Variants in MFSD8 observed in about 807,000 individuals in gnomAD.
MFSD8 encodes major facilitator superfamily domain-containing protein 8.
Under a neutral mutation model 66.4 loss-of-function variants are expected in MFSD8, and 55 were observed. That is an observed-to-expected ratio of 0.83 (90% CI 0.67 to 1.04). The LOEUF (loss-of-function observed/expected upper bound fraction) is 1.04, where lower values mean the gene tolerates loss of function less well. Ranked by LOEUF, MFSD8 falls within the 50% of genes least tolerant of loss-of-function variation. The pLI, the probability that MFSD8 is intolerant of heterozygous loss-of-function variation, is 0.00. For synonymous variants in MFSD8, 202 were observed against 212.8 expected (o/e 0.95, Z 0.44); for missense variants, 550 against 627.6 (o/e 0.88, Z 1.32).
At chr4:127,933,246 G>C in intron 7 of MFSD8, 153 bp from the exon 8 acceptor site, 1 of 618,032 alleles carries the variant, frequency 1.6e-6, no homozygotes, top group Non-Finnish European at 2.8e-6. Flanking sequence ...AAGAGAATTT[G>C]TTTATTTTTA....
At chr4:127,942,292 A>C in intron 4 of MFSD8, 134 bp from the exon 5 acceptor site, 1 of 701,320 alleles carries the variant, frequency 1.4e-6, no homozygotes, top group South Asian at 1.5e-5. Flanking sequence ...TTATGATCAC[A>C]CAAAGCATGT....
chr4:127,922,291 CAGAATA>C (rs1736452722), intron 9 of MFSD8, among the ~76,000 whole-genome samples: 1 of 152,060 alleles, frequency 6.6e-6, no homozygotes, highest in Non-Finnish European at 1.5e-5. Flanking sequence ...AGTACCAAAA[CAGAATA>C]ATAATGGCAA....
At chr4:127,957,714 A>G in intron 1 of MFSD8, 122 bp from the exon 2 acceptor site, 1 of 683,194 alleles carries the variant, frequency 1.5e-6, no homozygotes. Flanking sequence ...ACCAATATTG[A>G]TTCTGCTACA....
chr4:127,927,778 C>G (rs1339704376), intron 9 of MFSD8, among the ~76,000 whole-genome samples: 1 of 152,136 alleles, frequency 6.6e-6, no homozygotes, highest in African/African-American at 2.4e-5. Context: ...CCTCAAACTC[C>G]TGGGTTCAAG....
chr4:127,957,865 A>G (rs556001707), intron 1 of MFSD8, among the ~76,000 whole-genome samples: 86 of 152,358 alleles, frequency 5.6e-4, no homozygotes, highest in Non-Finnish European at 1.1e-3. Flanking sequence ...TACCATTGAC[A>G]TGCACAGATT....
chr4:127,938,965 A>G (rs13121255), intron 6 of MFSD8, 127 bp from the exon 7 acceptor site: 1 of 641,316 alleles, frequency 1.6e-6, no homozygotes, highest in Non-Finnish European at 2.7e-6. Flanking sequence ...TTTCAGTAAT[A>G]AAACTGTTAC....
intron 4 of MFSD8, 142 bp downstream of exon 4, chr4:127,943,610 A>C: frequency 9.8e-7 from 1 of 1,018,860 alleles, no homozygotes; most frequent in Non-Finnish European, 1.5e-6. Context: ...AATGATAAGA[A>C]AAATATTTGT....
chr4:127,936,403 C>T (rs1321128572), intron 7 of MFSD8, among the ~76,000 whole-genome samples: 1 of 152,042 alleles, frequency 6.6e-6, no homozygotes, highest in Non-Finnish European at 1.5e-5. Context: ...GCATGAGCCA[C>T]TGTGCCCAGC....
chr4:127,944,025 T>A, intron 3 of MFSD8, 33 bp from the exon 4 acceptor site: 1 of 1,613,754 alleles, frequency 6.2e-7, no homozygotes, highest in Non-Finnish European at 8.5e-7. Flanking sequence ...TTAAGAATTG[T>A]TATCCAAGAA....
chr4:127,927,704 A>G (rs1737449876), intron 9 of MFSD8, among the ~76,000 whole-genome samples: 1 of 152,076 alleles, frequency 6.6e-6, no homozygotes, highest in South Asian at 2.1e-4. Context: ...TTCTTTTTTT[A>G]AGAGATGGGT....
At chr4:127,963,761 A>G (rs1744293638) in intron 1 of MFSD8, among the ~76,000 whole-genome samples, 1 of 152,196 alleles carries the variant, frequency 6.6e-6, no homozygotes, top group South Asian at 2.1e-4. Flanking sequence ...AAGCTTCCAC[A>G]CTGTGGAAAG....
chr4:127,954,951 T>C (rs372331535), intron 2 of MFSD8, among the ~76,000 whole-genome samples: 117 of 152,310 alleles, frequency 7.7e-4, no homozygotes, highest in African/African-American at 2.7e-3. Context: ...TCCACTAGGA[T>C]GACTACTATC....
intron 9 of MFSD8, among the ~76,000 whole-genome samples, chr4:127,925,832 A>C (rs1050114952): frequency 2.6e-5 from 4 of 152,232 alleles, no homozygotes; most frequent in African/African-American, 9.6e-5. Flanking sequence ...AAGACTTGGA[A>C]CCAACCCAAA....
intron 2 of MFSD8, among the ~76,000 whole-genome samples, chr4:127,951,980 G>A (rs997396304): frequency 2.0e-5 from 3 of 151,666 alleles, no homozygotes; most frequent in Non-Finnish European, 4.4e-5. Flanking sequence ...CGCCTGCCTC[G>A]GCCTCCTAAA....
At chr4:127,942,444 C>T (rs1479882687) in intron 4 of MFSD8, among the ~76,000 whole-genome samples, 1 of 152,082 alleles carries the variant, frequency 6.6e-6, no homozygotes, top group Non-Finnish European at 1.5e-5. Context: ...TCTGTAACCC[C>T]AGCACTTTCA....
At chr4:127,928,717 G>A (rs952480440) in intron 9 of MFSD8, among the ~76,000 whole-genome samples, 1 of 152,134 alleles carries the variant, frequency 6.6e-6, no homozygotes, top group Non-Finnish European at 1.5e-5. Flanking sequence ...ACTGCCATAT[G>A]AACCAGCAAT....
chr4:127,937,879 C>G (rs543317600), intron 7 of MFSD8, among the ~76,000 whole-genome samples: 3 of 152,156 alleles, frequency 2.0e-5, no homozygotes, highest in Non-Finnish European at 2.9e-5. Flanking sequence ...TAAAATAATA[C>G]TATGTCTTTT....
At chr4:127,956,058 G>A (rs1742807636) in intron 2 of MFSD8, among the ~76,000 whole-genome samples, 1 of 151,938 alleles carries the variant, frequency 6.6e-6, no homozygotes, top group South Asian at 2.1e-4. Context: ...GGCAGAGGTT[G>A]CAGTAAGCCG....
intron 2 of MFSD8, among the ~76,000 whole-genome samples, chr4:127,950,130 C>T (rs895604897): frequency 7.2e-5 from 11 of 152,122 alleles, no homozygotes; most frequent in Non-Finnish European, 1.3e-4. Flanking sequence ...TAACCAAAAG[C>T]TTTGTTAAGT....
Sources: allele counts gnomAD v4.1 joint callset (sites outside exome capture counted in the v4.1 genomes callset), GRCh38; gene constraint gnomAD v4.1.1; transcripts MANE v1.5; gene names NCBI Gene and HGNC (gene_info 2026-07-23, HGNC 2026-07-21).